The following IGF2BP3 variants were observed in gnomAD, a reference collection of about 807,000 sequenced individuals.
IGF2BP3 encodes insulin-like growth factor 2 mRNA-binding protein 3.
A neutral mutation model predicts 73.8 loss-of-function variants in IGF2BP3; 9 were observed. The observed-to-expected ratio is 0.12, with a 90% confidence interval of 0.07 to 0.21. The LOEUF is 0.21. IGF2BP3 is among the 10% of genes least tolerant of loss of function. IGF2BP3 has a pLI of 1.00. For missense variants in IGF2BP3, 542 were observed against 714.0 expected (o/e 0.76, Z 2.75); for synonymous variants, 258 against 256.7 (o/e 1.01, Z -0.05).
At chr7:23,408,073 G>T (rs1256334764) in intron 3 of IGF2BP3, among the ~76,000 whole-genome samples, 1 of 151,792 alleles carries the variant, frequency 6.6e-6, no homozygotes, top group Non-Finnish European at 1.5e-5. Flanking sequence ...CATATAGATT[G>T]TCAACAAACT....
chr7:23,429,417 C>T (rs1048777310), intron 2 of IGF2BP3, among the ~76,000 whole-genome samples: 1 of 152,190 alleles, frequency 6.6e-6, no homozygotes, highest in African/African-American at 2.4e-5. Context: ...CACACAGCTA[C>T]TGTGTGGCAG....
At chr7:23,313,698 T>C (rs1157823533) in intron 12 of IGF2BP3, 45 bp from the exon 13 acceptor site, 5 of 1,597,950 alleles carry the variant, frequency 3.1e-6, no homozygotes, top group African/African-American at 1.3e-5. Flanking sequence ...ATGTATGAAA[T>C]GGAAAAGGTC....
Position 23,451,939 on chromosome 7 carries a change from T to TAA in IGF2BP3, c.236+16541_236+16542dup, listed in dbSNP as rs61131297. 7.5e-3 allele frequency among the ~76,000 whole-genome samples: 983 copies of TAA among 131,780 alleles called. 8 individuals carry two copies. The highest frequency in any genetic ancestry group is 0.019 in the African/African-American group (678 of 36,342). The allele number at this position is 131,780 out of a possible 152,430, so 86.5% of individuals were successfully genotyped here. On this transcript the variant is annotated intron_variant, in intron 2 of 14. Coordinates refer to ENST00000258729, the MANE Select transcript of IGF2BP3 (RefSeq NM_006547.3). The stretch of plus-strand genomic sequence containing the variant: ...CTCCAGCCTGGGCGACAGAGCAAGA[T>TAA]AAAAAAAAAAAAAAGGAATATATGG...
At chr7:23,320,644 TAAAAAAA>T (rs35291021) in intron 10 of IGF2BP3, among the ~76,000 whole-genome samples, 2 of 115,340 alleles carry the variant, frequency 1.7e-5, no homozygotes, top group Admixed American at 9.3e-5. Context: ...TGCTTTTGTT[TAAAAAAA>T]AAAAAAAAAA....
rs902972864 is a variant in IGF2BP3, at chr7:23,458,400, C to A, written c.236+10082G>T. Among the ~76,000 whole-genome samples the A allele has an allele frequency of 3.3e-5, 5 of 152,152 alleles. No homozygotes were observed. The East Asian group carries it at 9.7e-4, about 29-fold the overall frequency. ...AGTTTCTCCTTCCTACTCTCCTGTTCCTCAGCAGTATCTCACATTCAAGAC... is the reference window on the plus strand; with the variant it reads ...AGTTTCTCCTTCCTACTCTCCTGTTACTCAGCAGTATCTCACATTCAAGAC... On this transcript the variant is annotated intron_variant, in intron 2 of 14. Coordinates refer to ENST00000258729, the MANE Select transcript of IGF2BP3 (RefSeq NM_006547.3).
At chr7:23,318,956 G>A (rs1029881032) in intron 11 of IGF2BP3, among the ~76,000 whole-genome samples, 182 bp downstream of exon 11, 5 of 152,220 alleles carry the variant, frequency 3.3e-5, no homozygotes, top group Admixed American at 1.3e-4. Flanking sequence ...TCCTAACTGT[G>A]TTTTCTGCAC....
intron 7 of IGF2BP3, among the ~76,000 whole-genome samples, chr7:23,346,838 G>A (rs908421189): frequency 2.0e-5 from 3 of 151,944 alleles, no homozygotes; most frequent in Non-Finnish European, 4.4e-5. Context: ...TGATCCACCC[G>A]CCTCGGCCTC....
intron 10 of IGF2BP3, among the ~76,000 whole-genome samples, chr7:23,339,469 T>C (rs752394039): frequency 3.9e-5 from 6 of 152,224 alleles, no homozygotes; most frequent in Non-Finnish European, 7.3e-5. Flanking sequence ...TGCAGTCTTA[T>C]CTACATATTT....
chr7:23,438,397 G>A (rs1787853559), intron 2 of IGF2BP3, among the ~76,000 whole-genome samples: 1 of 152,122 alleles, frequency 6.6e-6, no homozygotes, highest in Non-Finnish European at 1.5e-5. Context: ...TTACAGGCAT[G>A]AACCACCAAG....
chr7:23,452,856 A>C (rs1253243629), intron 2 of IGF2BP3, among the ~76,000 whole-genome samples: 1 of 148,594 alleles, frequency 6.7e-6, no homozygotes, highest in Non-Finnish European at 1.5e-5. Flanking sequence ...GCTCACACCT[A>C]TAATCCCAGC....
chr7:23,314,161 G>T (rs1482201242), intron 12 of IGF2BP3, among the ~76,000 whole-genome samples: 1 of 151,172 alleles, frequency 6.6e-6, no homozygotes, highest in African/African-American at 2.4e-5. Flanking sequence ...CAGACTACAG[G>T]CATGCAACAC....
chr7:23,396,040 AG>A (rs1432526175), intron 3 of IGF2BP3, among the ~76,000 whole-genome samples: 2 of 60,458 alleles, frequency 3.3e-5, no homozygotes, highest in Non-Finnish European at 7.1e-5. Context: ...AAATCCAGTG[AG>A]TTTTTTTTTT....
At chr7:23,359,383 CTAAT>C (rs1292058744) in intron 5 of IGF2BP3, among the ~76,000 whole-genome samples, 11 of 152,198 alleles carry the variant, frequency 7.2e-5, no homozygotes, top group Non-Finnish European at 2.9e-5. Flanking sequence ...TCCCATTCAA[CTAAT>C]TAACTATTAA....
At chr7:23,449,699 A>G (rs1461952431) in intron 2 of IGF2BP3, among the ~76,000 whole-genome samples, 1 of 151,352 alleles carries the variant, frequency 6.6e-6, no homozygotes, top group African/African-American at 2.4e-5. Flanking sequence ...CTGGGACCAC[A>G]GGTATGCGCT....
At chr7:23,383,728 A>C (rs1785986804) in intron 3 of IGF2BP3, among the ~76,000 whole-genome samples, 1 of 152,214 alleles carries the variant, frequency 6.6e-6, no homozygotes, top group Non-Finnish European at 1.5e-5. Context: ...GAAACAACCA[A>C]AATGTCCATG....
chr7:23,460,597 G>A (rs1000512585), intron 2 of IGF2BP3, among the ~76,000 whole-genome samples: 1 of 151,758 alleles, frequency 6.6e-6, no homozygotes, highest in Non-Finnish European at 1.5e-5. Context: ...TGAGTCAGAG[G>A]ATCTACTGAG....
At chr7:23,393,686 T>C (rs1178380114) in intron 3 of IGF2BP3, among the ~76,000 whole-genome samples, 1 of 152,168 alleles carries the variant, frequency 6.6e-6, no homozygotes, top group African/African-American at 2.4e-5. Flanking sequence ...AAAATAAACA[T>C]GGAAGTTGAA....
At chr7:23,325,885 C>T (rs574882578) in intron 10 of IGF2BP3, among the ~76,000 whole-genome samples, 2 of 152,148 alleles carry the variant, frequency 1.3e-5, no homozygotes, top group Non-Finnish European at 1.5e-5. Context: ...ATGTAGAAAG[C>T]TGAAACTGGA....
At chr7:23,438,267 CCAT>C (rs955291774) in intron 2 of IGF2BP3, among the ~76,000 whole-genome samples, 10 of 152,304 alleles carry the variant, frequency 6.6e-5, no homozygotes, top group African/African-American at 2.4e-4. Flanking sequence ...GCACCCACCA[CCAT>C]GCCTGGCTAA....
Sources: gnomAD v4.1 joint callset for allele counts (sites outside exome capture counted in the v4.1 genomes callset) on GRCh38, gnomAD v4.1.1 for gene constraint, MANE v1.5 for transcripts, NCBI Gene and HGNC (gene_info 2026-07-23, HGNC 2026-07-21) for gene names.